CRPPA: variants seen among roughly 807,000 people sequenced by gnomAD.
The protein encoded by CRPPA is CDP-L-ribitol pyrophosphorylase A.
In CRPPA, 43 loss-of-function variants were observed where a neutral mutation model predicts 52.0. The observed-to-expected ratio is 0.83, with a 90% CI of 0.65 to 1.07. CRPPA has a LOEUF of 1.07. Among genes scored for constraint, CRPPA ranks in the 50% least tolerant of loss-of-function variants. The pLI is 0.00. For synonymous variants in CRPPA, 250 were observed against 203.5 expected, an observed-to-expected ratio of 1.23 and a Z score of -1.94; for missense variants, 629 against 551.7, an observed-to-expected ratio of 1.14 and a Z score of -1.40.
In CRPPA at chr7:16,116,659, GA is replaced by G. The variant is rs71525890; in HGVS notation, c.1252-24861del. ...CTGGGCAATACAGCGAGACTCGGTCGAAAAAAAAAAAAAAAAGGAAAGGAAA... is the reference window on the plus strand; with the variant it reads ...CTGGGCAATACAGCGAGACTCGGTCGAAAAAAAAAAAAAAAGGAAAGGAAA... On this transcript the variant is annotated intron_variant, in intron 9 of 9. Coordinates refer to ENST00000407010, the MANE Select transcript of CRPPA (RefSeq NM_001101426.4). Among the ~76,000 whole-genome samples, 523 of 78,030 alleles carry G rather than the reference GA, an allele frequency of 6.7e-3. 3 individuals are homozygous for G. Among genetic ancestry groups the G allele is most frequent in the East Asian group, 0.027 (75 of 2,792 alleles). The allele number at this position is 78,030 out of a possible 152,430, so 51.2% of individuals were successfully genotyped here. A position where few individuals can be genotyped will look rare whatever the true frequency, so the allele number is the denominator to read the frequency against.
At chr7:16,106,024 G>T (rs1782144028) in intron 9 of CRPPA, among the ~76,000 whole-genome samples, 1 of 152,140 alleles carries the variant, frequency 6.6e-6, no homozygotes, top group Admixed American at 6.5e-5. Flanking sequence ...CAGGCAGGGA[G>T]ACTTCCACAT....
rs558476587 is a variant in CRPPA at position 16,400,505 on chromosome 7, G to A, written c.534+5556C>T. Among the ~76,000 whole-genome samples, 8 of 152,270 alleles carry A rather than the reference G, an allele frequency of 5.3e-5. No homozygotes were observed. The South Asian group carries it at 6.2e-4, about 12-fold the overall frequency. ...CCCATGACCAACATGTATAACACCC[G>A]AACGACACGACTGGCACATGATTGA... On this transcript the variant is annotated intron_variant, in intron 2 of 9. Transcript: ENST00000407010.
chr7:16,279,848 C>G (rs1322120827), intron 5 of CRPPA, among the ~76,000 whole-genome samples: 1 of 152,186 alleles, frequency 6.6e-6, no homozygotes. Flanking sequence ...TGTTTTCACA[C>G]TCCTGATAAA....
At chr7:16,185,680 T>C (rs754033582) in intron 9 of CRPPA, among the ~76,000 whole-genome samples, 2 of 152,174 alleles carry the variant, frequency 1.3e-5, no homozygotes, top group Admixed American at 6.5e-5. Flanking sequence ...ACTTGAAATA[T>C]GTATTTTATA....
intron 5 of CRPPA, among the ~76,000 whole-genome samples, chr7:16,288,242 A>G (rs1335289419): frequency 6.6e-6 from 1 of 152,198 alleles, no homozygotes; most frequent in East Asian, 1.9e-4. Flanking sequence ...TGTTTAAAAA[A>G]GAAGACAGAG....
In CRPPA at chr7:16,299,051, C is replaced by T. The variant is rs927273635; in HGVS notation, c.835+2370G>A. 3.3e-5 allele frequency among the ~76,000 whole-genome samples: 5 copies of T among 152,202 alleles called. No homozygotes were observed. The South Asian group carries it at 1.0e-3, about 31-fold the overall frequency. ...CGTGAGCCAATCCCTCATAATAAAT[C>T]TATGTATGCATCTTATCTATATCTC... On this transcript the variant is annotated intron_variant, in intron 5 of 9. Transcript: ENST00000407010.
At position 16,286,101 on chromosome 7, in the gene CRPPA, T is replaced by TAG. The variant is rs1784442909; in HGVS notation, c.836-7876_836-7875insCT. On this transcript the variant is annotated intron_variant, in intron 5 of 9. Transcript: ENST00000407010. The stretch of plus-strand genomic sequence containing the variant: ...TATATAATATTTAAAAAAAAAAATA[T>TAG]ATATATATATATATATGCCAAAAAG... 1.2e-4 allele frequency among the ~76,000 whole-genome samples: 8 copies of TAG among 68,826 alleles called. 1 individual carries two copies. Among genetic ancestry groups the TAG allele is most frequent in the African/African-American group, 5.0e-4 (8 of 15,952 alleles). The allele number at this position is 68,826 out of a possible 152,430, so 45.2% of individuals were successfully genotyped here. A position where few individuals can be genotyped will look rare whatever the true frequency, so the allele number is the denominator to read the frequency against.
chr7:16,380,968 G>T (rs878922561), intron 2 of CRPPA, among the ~76,000 whole-genome samples: 39 of 151,342 alleles, frequency 2.6e-4, no homozygotes, highest in Admixed American at 2.4e-3. Flanking sequence ...TTTTTTGAAG[G>T]GTTTTTTGTG....
rs777792824 is a variant in CRPPA at position 16,334,240 on chromosome 7, A to G, written c.685-25613T>C. On this transcript the variant is annotated intron_variant, in intron 3 of 9. Transcript: ENST00000407010. ...AGCCCAGGTGTCCTCGTTCAGGTCA[A>G]GAAGCAACTACAGGTCAGCGATTAT... Among the ~76,000 whole-genome samples the G allele has an allele frequency of 9.8e-5, 15 of 152,298 alleles. 1 individual carries two copies. The highest frequency in any genetic ancestry group is 7.8e-4 in the Admixed American group (12 of 15,296).
At chr7:16,138,844 C>A (rs1782811276) in intron 9 of CRPPA, among the ~76,000 whole-genome samples, 1 of 152,162 alleles carries the variant, frequency 6.6e-6, no homozygotes, top group Non-Finnish European at 1.5e-5. Flanking sequence ...TCCTGTCGCC[C>A]AGGCAAGAGT....
chr7:16,227,638 C>T (rs1424413067), intron 8 of CRPPA, among the ~76,000 whole-genome samples: 3 of 151,588 alleles, frequency 2.0e-5, no homozygotes, highest in African/African-American at 7.3e-5. Flanking sequence ...TGAGATGTAT[C>T]GTTTGCATAT....
intron 2 of CRPPA, among the ~76,000 whole-genome samples, chr7:16,404,491 A>G (rs1787902127): frequency 6.6e-6 from 1 of 152,160 alleles, no homozygotes; most frequent in Non-Finnish European, 1.5e-5. Context: ...ATACTCTCAG[A>G]AGACTCACTT....
At chr7:16,311,085 C>A (rs1785024906) in intron 3 of CRPPA, among the ~76,000 whole-genome samples, 1 of 152,058 alleles carries the variant, frequency 6.6e-6, no homozygotes, top group Admixed American at 6.6e-5. Flanking sequence ...TTTCCATATA[C>A]CCTCAAGCTC....
chr7:16,136,921 A>T (rs1782774064), intron 9 of CRPPA, among the ~76,000 whole-genome samples: 1 of 152,234 alleles, frequency 6.6e-6, no homozygotes, highest in African/African-American at 2.4e-5. Flanking sequence ...AATGTGGGCC[A>T]AGTTTAAACC....
At chr7:16,345,910 TA>T (rs1400127300) in intron 3 of CRPPA, among the ~76,000 whole-genome samples, 1 of 152,206 alleles carries the variant, frequency 6.6e-6, no homozygotes, top group East Asian at 1.9e-4. Context: ...CATTAAGTTA[TA>T]AAAGCTTTTG....
At position 16,258,926 on chromosome 7, in the gene CRPPA, A is replaced by C; in HGVS notation, c.1020T>G (p.Cys340Trp). ...ATCATTTGAATTGACTTACATTCAC[A>C]CAAACAAAATTGTAGCATTGATCTA... Reference protein sequence around the residue: ...IILDQCYNFVCVNVTTSDFQE... With the variant: ...IILDQCYNFVWVNVTTSDFQE... The change falls in exon 7 of 10, where the codon TGT becomes TGG. Residue 340 changes from cysteine to tryptophan, a missense_variant. Cys to Trp is a radical substitution (Grantham distance 215). Coordinates refer to ENST00000407010, the MANE Select transcript of CRPPA (RefSeq NM_001101426.4). 6.2e-7 allele frequency: 1 copy of C among 1,606,966 alleles called. No homozygotes were observed. The highest frequency in any genetic ancestry group is 1.1e-5 in the South Asian group (1 of 90,054).
chr7:16,418,135 T>C (rs762423282), intron 1 of CRPPA, among the ~76,000 whole-genome samples: 1 of 152,212 alleles, frequency 6.6e-6, no homozygotes, highest in Non-Finnish European at 1.5e-5. Context: ...CAGAAGGAAG[T>C]AAGGGCTTTC....
intron 9 of CRPPA, among the ~76,000 whole-genome samples, chr7:16,102,746 C>T (rs879621125): frequency 1.8e-4 from 28 of 152,224 alleles, no homozygotes; most frequent in Non-Finnish European, 3.4e-4. Context: ...AAATCAAAAC[C>T]ACAATGAGAT....
At chr7:16,137,810 A>G (rs1488726605) in intron 9 of CRPPA, among the ~76,000 whole-genome samples, 1 of 152,182 alleles carries the variant, frequency 6.6e-6, no homozygotes, top group Non-Finnish European at 1.5e-5. Flanking sequence ...ATTCAGCACC[A>G]GACTTAAAGA....
Sources: allele counts gnomAD v4.1 joint callset (sites outside exome capture counted in the v4.1 genomes callset), GRCh38; gene constraint gnomAD v4.1.1; transcripts MANE v1.5; gene names NCBI Gene and HGNC (gene_info 2026-07-23, HGNC 2026-07-21).